The following CAMKMT variants were observed in gnomAD, a reference collection of about 807,000 sequenced individuals.
The protein encoded by CAMKMT is CaM KMT.
In CAMKMT, 53 loss-of-function variants were observed where a neutral mutation model predicts 48.0. That is an observed-to-expected ratio of 1.10 (90% confidence interval 0.89 to 1.39). The LOEUF is 1.39. Ranked by LOEUF, CAMKMT falls within the 40% of genes most tolerant of loss-of-function variation. The pLI is 0.00. For synonymous variants in CAMKMT, 165 were observed against 152.3 expected, an observed-to-expected ratio of 1.08 and a Z score of -0.61; for missense variants, 428 against 402.7, an observed-to-expected ratio of 1.06 and a Z score of -0.54.
intron 6 of CAMKMT, among the ~76,000 whole-genome samples, chr2:44,708,211 A>ATTTTTTTTTTTTTTTTTTTTTTTTTTTTT (rs59281575): frequency 1.5e-5 from 1 of 68,194 alleles, no homozygotes; most frequent in Non-Finnish European, 2.5e-5. Context: ...TTTGCTTTGG[A>ATTTTTTTTTTTTTTTTTTTTTTTTTTTTT]TTTTTTTTTT....
intron 3 of CAMKMT, among the ~76,000 whole-genome samples, chr2:44,573,210 C>T (rs578048093): frequency 2.0e-5 from 3 of 152,130 alleles, no homozygotes; most frequent in Non-Finnish European, 4.4e-5. Context: ...TTTTCATGTG[C>T]TGTTTGGCCA....
At chr2:44,638,713 A>G (rs992752349) in intron 3 of CAMKMT, among the ~76,000 whole-genome samples, 2 of 152,046 alleles carry the variant, frequency 1.3e-5, no homozygotes, top group African/African-American at 4.8e-5. Flanking sequence ...AGGTCCTCCC[A>G]TGAGGAATAT....
chr2:44,693,992 C>G lies in CAMKMT; in HGVS notation c.377-10291C>G, dbSNP rs578038865. Among the ~76,000 whole-genome samples, 9 of 152,296 alleles carry G rather than the reference C, an allele frequency of 5.9e-5. No homozygotes were observed. In the East Asian group the frequency reaches 1.7e-3, roughly 29 times the overall value. On this transcript the variant is annotated intron_variant, in intron 3 of 10. Coordinates refer to ENST00000378494, the MANE Select transcript of CAMKMT (RefSeq NM_024766.5). The stretch of plus-strand genomic sequence containing the variant: ...TGGACATCAGCTGATCACAGAAAAG[C>G]TGTATGTCTGCTGTGAGAGCTAGAT...
At chr2:44,738,357 G>A (rs1271291735) in intron 7 of CAMKMT, among the ~76,000 whole-genome samples, 2 of 152,214 alleles carry the variant, frequency 1.3e-5, no homozygotes, top group Admixed American at 6.5e-5. Flanking sequence ...TAGGTTTTCT[G>A]TTGTTGTTTT....
chr2:44,756,322 C>T (rs1439352299), intron 9 of CAMKMT, among the ~76,000 whole-genome samples: 2 of 152,216 alleles, frequency 1.3e-5, no homozygotes, highest in African/African-American at 4.8e-5. Context: ...TCTGAGTATA[C>T]AGTCCAAGAC....
At chr2:44,556,834 T>G (rs1422272858) in intron 3 of CAMKMT, among the ~76,000 whole-genome samples, 3 of 151,546 alleles carry the variant, frequency 2.0e-5, no homozygotes, top group Non-Finnish European at 2.9e-5. Flanking sequence ...TCCTAGCACT[T>G]TGGGAGGCCG....
At chr2:44,764,924 T>C (rs1041131835) in intron 9 of CAMKMT, among the ~76,000 whole-genome samples, 6 of 151,942 alleles carry the variant, frequency 3.9e-5, no homozygotes, top group African/African-American at 1.5e-4. Context: ...CATAGGGTGG[T>C]TTAAAGACTA....
At chr2:44,397,760 T>A (rs1336722387) in intron 3 of CAMKMT, among the ~76,000 whole-genome samples, 1 of 152,192 alleles carries the variant, frequency 6.6e-6, no homozygotes, top group Admixed American at 6.5e-5. Context: ...ATTTTAAAAA[T>A]TTCTATTTGA....
intron 1 of CAMKMT, among the ~76,000 whole-genome samples, chr2:44,372,117 A>C (rs1679236795): frequency 6.6e-6 from 1 of 152,162 alleles, no homozygotes. Context: ...TTCTTTTAGA[A>C]TTGACACATA....
chr2:44,708,211 A>ATTTTTTTTTGTTTTTT (rs1677672555), intron 6 of CAMKMT, among the ~76,000 whole-genome samples: 1 of 68,180 alleles, frequency 1.5e-5, no homozygotes, highest in African/African-American at 5.8e-5. Flanking sequence ...TTTGCTTTGG[A>ATTTTTTTTTGTTTTTT]TTTTTTTTTT....
intron 3 of CAMKMT, among the ~76,000 whole-genome samples, chr2:44,534,975 GGCTATAACCAAAAATT>G (rs544647399): frequency 7.9e-5 from 12 of 151,676 alleles, no homozygotes; most frequent in Non-Finnish European, 1.8e-4. Flanking sequence ...GTTGATAAAT[GGCTATAACCAAAAATT>G]GCTATAACCA....
chr2:44,506,294 C>G (rs1342795824), intron 3 of CAMKMT, among the ~76,000 whole-genome samples: 1 of 152,080 alleles, frequency 6.6e-6, no homozygotes, highest in Admixed American at 6.6e-5. Context: ...GAGTTGAAGA[C>G]TACTTGTATA....
chr2:44,374,761 A>G (rs1332186301), intron 2 of CAMKMT, among the ~76,000 whole-genome samples: 2 of 152,232 alleles, frequency 1.3e-5, no homozygotes, highest in African/African-American at 4.8e-5. Flanking sequence ...ATATCTATAC[A>G]AATATGACAT....
intron 6 of CAMKMT, among the ~76,000 whole-genome samples, chr2:44,711,691 C>T (rs751606308): frequency 2.4e-4 from 37 of 152,166 alleles, no homozygotes; most frequent in Admixed American, 1.1e-3. Flanking sequence ...ACTTTACCCA[C>T]CTCTTCACCC....
At chr2:44,687,396 C>T (rs1041036257) in intron 3 of CAMKMT, among the ~76,000 whole-genome samples, 5 of 152,118 alleles carry the variant, frequency 3.3e-5, no homozygotes, top group East Asian at 1.9e-4. Flanking sequence ...TCGCCCAGTG[C>T]AACATATAGT....
At chr2:44,607,592 T>C (rs1277647640) in intron 3 of CAMKMT, among the ~76,000 whole-genome samples, 1 of 152,192 alleles carries the variant, frequency 6.6e-6, no homozygotes, top group African/African-American at 2.4e-5. Context: ...GAATTATTGA[T>C]ATGTTTTTTA....
At chr2:44,514,259 G>A (rs72879355) in intron 3 of CAMKMT, among the ~76,000 whole-genome samples, 2,139 of 151,986 alleles carry the variant, frequency 0.014, 38 homozygotes, top group African/African-American at 0.043. Context: ...AATGTGTTTA[G>A]GAGTAACATA....
At chr2:44,486,935 A>G (rs1194155665) in intron 3 of CAMKMT, among the ~76,000 whole-genome samples, 1 of 152,238 alleles carries the variant, frequency 6.6e-6, no homozygotes, top group Admixed American at 6.5e-5. Context: ...TTTGTAAGTC[A>G]GTCGTTCATA....
At chr2:44,367,050 A>G (rs1678670055) in intron 1 of CAMKMT, among the ~76,000 whole-genome samples, 1 of 152,006 alleles carries the variant, frequency 6.6e-6, no homozygotes, top group Admixed American at 6.5e-5. Flanking sequence ...AAAACGGGAA[A>G]CACTATAGCT....
Sources: gnomAD v4.1 joint callset for allele counts (sites outside exome capture counted in the v4.1 genomes callset) on GRCh38, gnomAD v4.1.1 for gene constraint, MANE v1.5 for transcripts, NCBI Gene and HGNC (gene_info 2026-07-23, HGNC 2026-07-21) for gene names.